The following FKBP15 variants were observed in gnomAD, a reference collection of about 807,000 sequenced individuals.
The protein encoded by FKBP15 is FK506-binding protein 15.
Under a neutral mutation model 158.1 loss-of-function variants are expected in FKBP15, and 106 were observed. That is an observed-to-expected ratio of 0.67 (90% CI 0.57 to 0.79). The LOEUF (loss-of-function observed/expected upper bound fraction) is 0.79. Ranked by LOEUF, FKBP15 falls within the 30% of genes least tolerant of loss-of-function variation. The pLI, the probability that FKBP15 is intolerant of heterozygous loss-of-function variation, is 0.00. For synonymous variants in FKBP15, 547 were observed against 548.6 expected (o/e 1.00, Z 0.04); for missense variants, 1,287 against 1,479.1 (o/e 0.87, Z 2.13).
Position 113,161,309 on chromosome 9 carries a change from G to T in FKBP15, c.*4769C>A. The T allele has an allele frequency of 1.7e-6, 1 of 571,730 alleles. No homozygotes were observed. The highest frequency in any genetic ancestry group is 3.1e-6 in the Non-Finnish European group (1 of 327,662). The allele number at this position is 571,730 out of a possible 1,614,324, so 35.4% of individuals were successfully genotyped here. A position where few individuals can be genotyped will look rare whatever the true frequency, so the allele number is the denominator to read the frequency against. On this transcript the variant is annotated 3_prime_UTR_variant, in exon 28 of 28. Transcript: ENST00000238256. The stretch of plus-strand genomic sequence containing the variant: ...CCTCAGCCCCTGGATTTTTCAGGTG[G>T]CTTCTCTTCCTGATCTCAAAGCCAC...
Position 113,161,639 on chromosome 9 carries a change from A to G in FKBP15, c.*4439T>C, listed in dbSNP as rs1830013975. The G allele has an allele frequency of 1.2e-6, 2 of 1,613,916 alleles. No individual in the cohort carries two copies. The highest frequency in any genetic ancestry group is 2.7e-5 in the African/African-American group (2 of 74,934). ...CCTCCATCAGCCAGCAGACCATCGC[A>G]GAGACAGACGGGGACTCTGCAGGCT... On this transcript the variant is annotated 3_prime_UTR_variant, in exon 28 of 28. Transcript: ENST00000238256.
chr9:113,219,625 C>T (rs1027318941), intron 1 of FKBP15, among the ~76,000 whole-genome samples: 1 of 152,102 alleles, frequency 6.6e-6, no homozygotes, highest in African/African-American at 2.4e-5. Flanking sequence ...GAAGCCTGCT[C>T]AGGAAAAAAG....
intron 11 of FKBP15, 115 bp downstream of exon 11, chr9:113,193,377 G>A (rs1437587916): frequency 4.6e-6 from 3 of 646,704 alleles, no homozygotes; most frequent in Non-Finnish European, 7.5e-6. Context: ...GTCTCACTAT[G>A]TTGCCTAGGC....
rs1449565020 is a variant in FKBP15 at position 113,170,642 on chromosome 9, C to G, written c.2659-13G>C. On this transcript the variant is annotated splice_polypyrimidine_tract_variant and intron_variant, in intron 24 of 27. Coordinates refer to ENST00000238256, the MANE Select transcript of FKBP15 (RefSeq NM_015258.2). ...TGATCTTCTTGACCTGTGTGAACATCAAAACACATGCTGTCAAAATCAAGT... is the reference window on the plus strand; with the variant it reads ...TGATCTTCTTGACCTGTGTGAACATGAAAACACATGCTGTCAAAATCAAGT... 1 of 1,580,020 alleles carries G rather than the reference C, an allele frequency of 6.3e-7. No individual in the cohort carries two copies. The highest frequency in any genetic ancestry group is 1.3e-5 in the African/African-American group (1 of 74,224).
rs1393836563 is a variant in FKBP15 at position 113,197,046 on chromosome 9, T to C, written c.750A>G (p.Lys250=). The change falls in exon 9 of 28, where the codon AAA becomes AAG. Residue 250 remains lysine, a synonymous_variant. Coordinates refer to ENST00000238256, the MANE Select transcript of FKBP15 (RefSeq NM_015258.2). ...GGACAATAAGCAATCGCTTTCCTCC[T>C]TTTTTCATGCCCAGCATTCCATCCT... ...GWEDGMLGMK[K]GGKRLLIVPP... 1 of 1,613,606 alleles carries C rather than the reference T, an allele frequency of 6.2e-7. No individual in the cohort carries two copies. Among genetic ancestry groups the C allele is most frequent in the Non-Finnish European group, 8.5e-7 (1 of 1,179,626 alleles).
Position 113,199,918 on chromosome 9 carries a change from G to A in FKBP15, c.544C>T (p.Leu182Phe), listed in dbSNP as rs1257355965. The stretch of plus-strand genomic sequence containing the variant: ...TCTGCCACAATGAGGTCCTGGGAGA[G>A]CACTGCATCCAGGGAAGAGGTACTG... ...CNSTSSLDAV[L>F]SQDLIVADGP... is the part of the protein sequence containing the mutation. Residue 182 changes from leucine to phenylalanine, a missense_variant, in exon 7 of 28, where the codon CTC (leucine) becomes TTC (phenylalanine). Physicochemically the swap from Leu to Phe is conservative, Grantham distance 22 (BLOSUM62 0). Transcript: ENST00000238256. The A allele has an allele frequency of 6.2e-7, 1 of 1,613,316 alleles. No homozygotes were observed. Among genetic ancestry groups the A allele is most frequent in the Non-Finnish European group, 8.5e-7 (1 of 1,179,666 alleles).
Position 113,184,791 on chromosome 9 carries a change from C to T in FKBP15, c.1512G>A (p.Met504Ile). ...QPPHFQGSGD[M>I]ASFLMTEARQ... ...GGGCTTCAGTCATGAGAAATGAAGC[C>T]ATATCACCTGATCCTAAACAGATAC... Residue 504 changes from methionine to isoleucine, a missense_variant, in exon 16 of 28, where the codon ATG (methionine) becomes ATA (isoleucine). Transcript: ENST00000238256. This position sits in a 1 kb window ranked among gnomAD's most constrained non-coding sequence, Gnocchi z 4.5. 6.3e-7 allele frequency: 1 copy of T among 1,597,876 alleles called. No individual in the cohort carries two copies. The highest frequency in any genetic ancestry group is 8.5e-7 in the Non-Finnish European group (1 of 1,171,772).
At chr9:113,195,258 C>T (rs966740613) in intron 9 of FKBP15, among the ~76,000 whole-genome samples, 1 of 152,106 alleles carries the variant, frequency 6.6e-6, no homozygotes, top group Non-Finnish European at 1.5e-5. Flanking sequence ...GTTTATACAC[C>T]ACAGTAGTGT....
chr9:113,187,964 C>A, intron 13 of FKBP15, 65 bp from the exon 14 acceptor site: 2 of 1,145,390 alleles, frequency 1.7e-6, no homozygotes, highest in African/African-American at 1.5e-5. Flanking sequence ...TCTAGACTAG[C>A]ACCTTACATA....
chr9:113,171,831 AT>A, intron 23 of FKBP15, 125 bp from the exon 24 acceptor site: 2 of 783,442 alleles, frequency 2.6e-6, no homozygotes, highest in Non-Finnish European at 3.7e-6. Context: ...TAAAAAGACA[AT>A]TTTATTTCAA....
Position 113,170,588 on chromosome 9 carries a change from T to G in FKBP15, c.2700A>C (p.Arg900Ser). ...IMNQVFQSLRREFELEESYNG... is the reference protein window; with the variant it reads ...IMNQVFQSLRSEFELEESYNG... ...TGTAAGATTCCTCCAGCTCAAACTC[T>G]CTCCGTAAGGACTGGAACACCTGGT... Residue 900 changes from arginine to serine, a missense_variant, in exon 25 of 28, where the codon AGA becomes AGC. Arg to Ser is a moderately radical substitution (Grantham distance 110, BLOSUM62 -1). Coordinates refer to ENST00000238256, the MANE Select transcript of FKBP15 (RefSeq NM_015258.2). The G allele has an allele frequency of 6.2e-7, 1 of 1,613,870 alleles. No individual in the cohort carries two copies. Among genetic ancestry groups the G allele is most frequent in the East Asian group, 2.2e-5 (1 of 44,892 alleles).
At position 113,202,776 on chromosome 9, in the gene FKBP15, G is replaced by A. The variant is rs140567485; in HGVS notation, c.400-147C>T. 2.5e-3 allele frequency: 2,004 copies of A among 789,746 alleles called. 9 individuals are homozygous for A. The highest frequency in any genetic ancestry group is 3.4e-3 in the Non-Finnish European group (1,667 of 487,030). The allele number at this position is 789,746 out of a possible 1,614,324, so 48.9% of individuals were successfully genotyped here. ...TTTCTTCTTCCCTCTCACCCTCTAC[G>A]ATTCACCCTTCAGTCCACATTCCTA... On this transcript the variant is annotated intron_variant, in intron 5 of 27. Coordinates refer to ENST00000238256, the MANE Select transcript of FKBP15 (RefSeq NM_015258.2).
At chr9:113,201,353 G>A (rs7029472) in intron 6 of FKBP15, among the ~76,000 whole-genome samples, 34,605 of 151,836 alleles carry the variant, frequency 0.23, 4,652 homozygotes, top group African/African-American at 0.36. Flanking sequence ...TGCTCACCAC[G>A]GTATCATTTA....
rs1830020985 is a variant in FKBP15 at position 113,161,986 on chromosome 9, C to A, written c.*4092G>T. 1 of 495,380 alleles carries A rather than the reference C, an allele frequency of 2.0e-6. No individual in the cohort carries two copies. The highest frequency in any genetic ancestry group is 3.7e-6 in the Non-Finnish European group (1 of 270,250). 30.7% of individuals were successfully genotyped at this position (495,380 alleles called of 1,614,324 possible). On this transcript the variant is annotated 3_prime_UTR_variant, in exon 28 of 28. Transcript: ENST00000238256. ...CCCTATCTAGCAAATGAGGTGGCCA[C>A]CCACCCTCCCCCAAATCTCACCAGT...
chr9:113,215,663 T>C (rs1483485039), intron 1 of FKBP15, among the ~76,000 whole-genome samples: 1 of 121,276 alleles, frequency 8.2e-6, no homozygotes, highest in Non-Finnish European at 1.8e-5. Flanking sequence ...TTTTTTTTTT[T>C]TTTTGAGATG....
At chr9:113,201,465 C>CGTG (rs1195891928) in intron 6 of FKBP15, among the ~76,000 whole-genome samples, 10 of 152,192 alleles carry the variant, frequency 6.6e-5, no homozygotes, top group Non-Finnish European at 1.2e-4. Context: ...CCTCCGAATA[C>CGTG]TTACACTGAA....
intron 4 of FKBP15, among the ~76,000 whole-genome samples, 171 bp from the exon 5 acceptor site, chr9:113,203,206 C>T (rs115436893): frequency 0.018 from 2,666 of 152,314 alleles, 94 homozygotes; most frequent in African/African-American, 0.061. Flanking sequence ...TATCTTCTCA[C>T]TATCCACATT....
chr9:113,219,936 A>G (rs183599155), intron 1 of FKBP15, among the ~76,000 whole-genome samples: 7 of 152,364 alleles, frequency 4.6e-5, no homozygotes, highest in African/African-American at 1.7e-4. Flanking sequence ...AAGGGAACAG[A>G]GTGGTGAGAG....
chr9:113,219,736 T>A (rs1181881142), intron 1 of FKBP15, among the ~76,000 whole-genome samples: 2 of 152,214 alleles, frequency 1.3e-5, no homozygotes, highest in African/African-American at 2.4e-5. Context: ...TTGGACTGAT[T>A]GTTGCATGAA....
Sources: gnomAD v4.1 joint callset for allele counts (sites outside exome capture counted in the v4.1 genomes callset) on GRCh38, gnomAD v4.1.1 for gene constraint, Gnocchi (gnomAD v3.1) non-coding constraint, MANE v1.5 for transcripts, NCBI Gene and HGNC (gene_info 2026-07-23, HGNC 2026-07-21) for gene names.